The following CDS1 variants were observed in gnomAD, a reference collection of about 807,000 sequenced individuals.
CDS1 encodes the protein phosphatidate cytidylyltransferase 1.
CDS1 carries 41 observed loss-of-function variants against 62.1 expected under a neutral mutation model. The observed-to-expected ratio is 0.66, with a 90% confidence interval of 0.51 to 0.86. The LOEUF is 0.86. Among genes scored for constraint, CDS1 ranks in the 40% least tolerant of loss-of-function variants. The pLI is 0.00. For synonymous variants in CDS1, 185 were observed against 192.6 expected (o/e 0.96, Z 0.32); for missense variants, 470 against 550.1 (o/e 0.85, Z 1.46).
At chr4:84,587,389 C>T (rs72662982) in intron 1 of CDS1, among the ~76,000 whole-genome samples, 4,210 of 152,224 alleles carry the variant, frequency 0.028, 96 homozygotes, top group Non-Finnish European at 0.039. Flanking sequence ...GTTCCAGTCA[C>T]GTTCAGTGTT....
At chr4:84,583,823 G>C (rs1210771947) in intron 1 of CDS1, among the ~76,000 whole-genome samples, 1 of 152,120 alleles carries the variant, frequency 6.6e-6, no homozygotes, top group Non-Finnish European at 1.5e-5. Flanking sequence ...GCCGACGCTG[G>C]AATCAGGAGG....
At chr4:84,595,752 A>G (rs1358689943) in intron 1 of CDS1, among the ~76,000 whole-genome samples, 1 of 152,232 alleles carries the variant, frequency 6.6e-6, no homozygotes, top group African/African-American at 2.4e-5. Flanking sequence ...GATGGCAGTA[A>G]TAATTCAGAT....
In CDS1 at chr4:84,608,275, G is replaced by A. The variant is rs550214276; in HGVS notation, c.246-1154G>A. ...TGAAAGCTCCGCCTCCCGGGTTCAC[G>A]CCATTCTCCTGCCTCAGCCTCCCAA... On this transcript the variant is annotated intron_variant, in intron 2 of 12. Transcript: ENST00000295887. Among the ~76,000 whole-genome samples, 283 of 152,312 alleles carry A rather than the reference G, an allele frequency of 1.9e-3. 1 individual carries two copies. The highest frequency in any genetic ancestry group is 6.5e-3 in the African/African-American group (271 of 41,572).
chr4:84,628,841 G>C (rs1723934155), intron 5 of CDS1, among the ~76,000 whole-genome samples: 5 of 152,024 alleles, frequency 3.3e-5, no homozygotes, highest in Admixed American at 3.3e-4. Flanking sequence ...GGATTCTCTT[G>C]TTATTTTTGA....
intron 12 of CDS1, among the ~76,000 whole-genome samples, chr4:84,648,306 T>G (rs2148662979): frequency 6.6e-6 from 1 of 152,302 alleles, no homozygotes; most frequent in Admixed American, 6.5e-5. Flanking sequence ...TTTGTAGAAC[T>G]TAGATCTGCA....
At chr4:84,606,474 T>A (rs1362201451) in intron 2 of CDS1, among the ~76,000 whole-genome samples, 1 of 152,222 alleles carries the variant, frequency 6.6e-6, no homozygotes, top group East Asian at 1.9e-4. Context: ...ACATTTTTAA[T>A]GTCTGTATAT....
In CDS1 at chr4:84,591,939, A is replaced by G. The variant is rs186559346; in HGVS notation, c.117+8421A>G. On this transcript the variant is annotated intron_variant, in intron 1 of 12. Coordinates refer to ENST00000295887, the MANE Select transcript of CDS1 (RefSeq NM_001263.4). ...AGAAATTTTTAGCTGAAAGCCTGTC[A>G]TTGGGTGATTTCAGGCGCCTAGATT... Among the ~76,000 whole-genome samples the G allele has an allele frequency of 6.5e-4, 99 of 152,274 alleles. 2 individuals carry two copies. Among genetic ancestry groups the G allele is most frequent in the Admixed American group, 5.6e-3 (86 of 15,300 alleles).
At chr4:84,648,438 A>G in intron 12 of CDS1, 119 bp from the exon 13 acceptor site, 1 of 892,290 alleles carries the variant, frequency 1.1e-6, no homozygotes, top group Non-Finnish European at 1.7e-6. Flanking sequence ...AGCTATTTTA[A>G]TTCTGTAAAG....
chr4:84,640,816 T>A, intron 9 of CDS1, 22 bp from the exon 10 acceptor site: 1 of 1,524,704 alleles, frequency 6.6e-7, no homozygotes, highest in Non-Finnish European at 8.8e-7. Flanking sequence ...TTTGTTTTGT[T>A]TTGTTTTGTT....
At chr4:84,586,020 G>A (rs889349950) in intron 1 of CDS1, among the ~76,000 whole-genome samples, 1 of 152,130 alleles carries the variant, frequency 6.6e-6, no homozygotes, top group African/African-American at 2.4e-5. Flanking sequence ...GGACTCACCA[G>A]GTTTACAAGG....
In CDS1 at chr4:84,648,648, A is replaced by G. The variant is rs144999442; in HGVS notation, c.1348A>G (p.Ile450Val). The G allele has an allele frequency of 1.9e-6, 3 of 1,613,324 alleles. No homozygotes were observed. The African/African-American group carries it at 4.0e-5, about 22-fold the overall frequency. ...ATATAAAACCCTGAAGACTCATCTC[A>G]TTGAGAAAGGAATCCTACAACCCAC... ...NIYKTLKTHL[I>V]EKGILQPTLK... The change falls in exon 13 of 13, where the codon ATT (isoleucine) becomes GTT (valine). Residue 450 changes from isoleucine to valine, a missense_variant. By Grantham distance (29) the Ile-to-Val change is conservative (BLOSUM62 3). This residue lies in a region of CDS1 where 68 missense variants were observed against 81.5 expected (regional missense o/e 0.83). Transcript: ENST00000295887.
intron 5 of CDS1, among the ~76,000 whole-genome samples, chr4:84,624,480 C>T (rs1415525986): frequency 6.6e-6 from 1 of 151,952 alleles, no homozygotes; most frequent in African/African-American, 2.4e-5. Flanking sequence ...TCCCCCCTCC[C>T]TTTTTCTTAT....
chr4:84,601,172 C>CAAAAAAAA (rs59688950), intron 1 of CDS1, among the ~76,000 whole-genome samples: 21 of 88,250 alleles, frequency 2.4e-4, no homozygotes, highest in African/African-American at 5.3e-4. Context: ...GACCCTGTCT[C>CAAAAAAAA]AAAAAAAAAA....
At chr4:84,615,641 TG>T (rs1397425982) in intron 3 of CDS1, among the ~76,000 whole-genome samples, 3 of 152,214 alleles carry the variant, frequency 2.0e-5, no homozygotes, top group South Asian at 2.1e-4. Context: ...CTATTTCACA[TG>T]GGTTGTAGTC....
chr4:84,606,330 GTA>G (rs143402959), intron 2 of CDS1, among the ~76,000 whole-genome samples: 18 of 140,032 alleles, frequency 1.3e-4, no homozygotes, highest in Admixed American at 5.0e-4. Context: ...GTGTGTGTGT[GTA>G]TGTGTGTGTA....
intron 5 of CDS1, among the ~76,000 whole-genome samples, chr4:84,627,427 T>C (rs1482373299): frequency 1.3e-5 from 2 of 152,146 alleles, no homozygotes; most frequent in Non-Finnish European, 1.5e-5. Flanking sequence ...CTCTAGAGTC[T>C]AGATATATAT....
chr4:84,587,965 G>A (rs1201718026), intron 1 of CDS1, among the ~76,000 whole-genome samples: 3 of 152,184 alleles, frequency 2.0e-5, no homozygotes, highest in Non-Finnish European at 4.4e-5. Context: ...GAGAAGGCCA[G>A]GTTGCATCAA....
chr4:84,642,253 G>A (rs894049537), intron 10 of CDS1, among the ~76,000 whole-genome samples: 1 of 151,722 alleles, frequency 6.6e-6, no homozygotes, highest in Non-Finnish European at 1.5e-5. Flanking sequence ...TTGAACCTGG[G>A]AGGCGGAGGT....
At chr4:84,642,933 T>G in intron 10 of CDS1, 91 bp from the exon 11 acceptor site, 1 of 1,275,174 alleles carries the variant, frequency 7.8e-7, no homozygotes, top group South Asian at 1.6e-5. Context: ...TTTGACTTAC[T>G]ATTTACACAA....
Sources: allele counts gnomAD v4.1 joint callset (sites outside exome capture counted in the v4.1 genomes callset), GRCh38; gene constraint gnomAD v4.1.1; regional missense constraint gnomAD v4.1.1; transcripts MANE v1.5; gene names NCBI Gene and HGNC (gene_info 2026-07-23, HGNC 2026-07-21).